PTPRN2: variants seen among roughly 807,000 people sequenced by gnomAD.
PTPRN2 encodes the protein receptor-type tyrosine-protein phosphatase N2.
Under a neutral mutation model 118.8 loss-of-function variants are expected in PTPRN2, and 74 were observed. That is an observed-to-expected ratio of 0.62 (90% CI 0.52 to 0.76). The LOEUF is 0.76. Among genes scored for constraint, PTPRN2 ranks in the 30% least tolerant of loss-of-function variants. The probability of loss-of-function intolerance (pLI) is 0.00; values close to 1 mark genes in which losing one functional copy is unlikely to be tolerated. For missense variants in PTPRN2, 1,481 were observed against 1,394.4 expected, an observed-to-expected ratio of 1.06 and a Z score of -0.99; for synonymous variants, 641 against 608.0, an observed-to-expected ratio of 1.05 and a Z score of -0.80.
chr7:157,998,361 G>A (rs572561668), intron 11 of PTPRN2, among the ~76,000 whole-genome samples: 76 of 152,168 alleles, frequency 5.0e-4, no homozygotes, highest in Non-Finnish European at 8.8e-4. Context: ...GGGCTGGCCC[G>A]GAGGCTCCTG....
chr7:158,329,318 G>A (rs545452626), intron 2 of PTPRN2, among the ~76,000 whole-genome samples: 22 of 152,280 alleles, frequency 1.4e-4, no homozygotes, highest in African/African-American at 4.3e-4. Context: ...GAGCACCAGC[G>A]CGCCCAGCAC....
At chr7:158,381,438 A>G (rs1205830047) in intron 2 of PTPRN2, among the ~76,000 whole-genome samples, 3 of 152,174 alleles carry the variant, frequency 2.0e-5, no homozygotes, top group Non-Finnish European at 1.5e-5. Context: ...AACAAGAGTC[A>G]CTTTTGCTCT....
intron 4 of PTPRN2, among the ~76,000 whole-genome samples, chr7:158,194,415 C>T (rs1473852950): frequency 1.3e-5 from 2 of 152,244 alleles, no homozygotes; most frequent in Non-Finnish European, 2.9e-5. Flanking sequence ...TGCCCACAGA[C>T]AAGGGCAGGG....
At chr7:158,535,553 G>A (rs1215769415) in intron 1 of PTPRN2, among the ~76,000 whole-genome samples, 2 of 152,000 alleles carry the variant, frequency 1.3e-5, no homozygotes, top group African/African-American at 4.8e-5. Flanking sequence ...CCTGGGGAGC[G>A]GCTGGGGCTT....
rs751136925 is a variant in PTPRN2, at chr7:157,868,267, C to A, written c.1788+30406G>T. On this transcript the variant is annotated intron_variant, in intron 12 of 22. Transcript: ENST00000389418. The surrounding 1 kb of genome is among the most constrained non-coding windows in gnomAD (Gnocchi z 5.2). ...GTGGGCTGGGACTCGGCAAGCCCAT[C>A]TGAACAGGGCTCTCTGCAGGCAGCC... Among the ~76,000 whole-genome samples the A allele has an allele frequency of 1.3e-5, 2 of 152,250 alleles. No individual in the cohort carries two copies. The highest frequency in any genetic ancestry group is 4.8e-5 in the African/African-American group (2 of 41,464).
chr7:157,845,901 AAAAAACCTGT>A lies in PTPRN2; in HGVS notation c.1788+52762_1788+52771del, dbSNP rs1179401405. Among the ~76,000 whole-genome samples the A allele has an allele frequency of 6.6e-6, 1 of 151,954 alleles. No homozygotes were observed. Among genetic ancestry groups the A allele is most frequent in the Non-Finnish European group, 1.5e-5 (1 of 67,918 alleles). Reference sequence around the variant, plus strand: ...GGCAGATTAAAGCCTAAATGGGGGGAAAAAACCTGTAAATGTTTTGAAGAAAACATTTGAG... The same window carrying A: ...GGCAGATTAAAGCCTAAATGGGGGGAAAATGTTTTGAAGAAAACATTTGAG... On this transcript the variant is annotated intron_variant, in intron 12 of 22. Coordinates refer to ENST00000389418, the MANE Select transcript of PTPRN2 (RefSeq NM_002847.5). The surrounding 1 kb of genome is among the most constrained non-coding windows in gnomAD (Gnocchi z 4.5).
chr7:158,407,662 C>CGTCCTGGGTCCTGG (rs1813697626), intron 2 of PTPRN2, among the ~76,000 whole-genome samples: 1 of 89,524 alleles, frequency 1.1e-5, no homozygotes. Flanking sequence ...CTGCATCCTG[C>CGTCCTGGGTCCTGG]GTCCTGCGTC....
At chr7:158,381,556 A>T (rs1410526635) in intron 2 of PTPRN2, among the ~76,000 whole-genome samples, 5 of 152,186 alleles carry the variant, frequency 3.3e-5, no homozygotes, top group Non-Finnish European at 7.3e-5. Context: ...GCCTCTAGGA[A>T]GTGCCAAACT....
At chr7:157,630,663 T>C (rs1803887200) in intron 14 of PTPRN2, among the ~76,000 whole-genome samples, 1 of 152,156 alleles carries the variant, frequency 6.6e-6, no homozygotes, top group Non-Finnish European at 1.5e-5. Context: ...GGCAGCCAAC[T>C]CGAAGTGTGC....
At chr7:158,318,281 A>G (rs1335543684) in intron 2 of PTPRN2, among the ~76,000 whole-genome samples, 2 of 152,202 alleles carry the variant, frequency 1.3e-5, no homozygotes, top group African/African-American at 4.8e-5. Flanking sequence ...GGAGGGAGAA[A>G]GGGGCAAAGA....
chr7:157,930,436 T>A (rs1252974127), intron 11 of PTPRN2, among the ~76,000 whole-genome samples: 2 of 152,164 alleles, frequency 1.3e-5, no homozygotes, highest in Non-Finnish European at 2.9e-5. Context: ...TGGGGTGCAA[T>A]CATTTCCCAG....
At position 157,784,772 on chromosome 7, in the gene PTPRN2, C is replaced by T. The variant is rs946530683; in HGVS notation, c.1789-101835G>A. Among the ~76,000 whole-genome samples, 1 of 152,156 alleles carries T rather than the reference C, an allele frequency of 6.6e-6. No homozygotes were observed. The highest frequency in any genetic ancestry group is 1.5e-5 in the Non-Finnish European group (1 of 68,034). On this transcript the variant is annotated intron_variant, in intron 12 of 22. Transcript: ENST00000389418. This position sits in a 1 kb window ranked among gnomAD's most constrained non-coding sequence, Gnocchi z 4.6. Reference sequence around the variant, plus strand: ...TCGACATTTCACCGCAAACCCTGACCCCACACCCGGCCTCTCTGCAGCTAA... The same window carrying T: ...TCGACATTTCACCGCAAACCCTGACTCCACACCCGGCCTCTCTGCAGCTAA...
At chr7:157,624,987 C>CA (rs1298254456) in intron 14 of PTPRN2, among the ~76,000 whole-genome samples, 8 of 152,148 alleles carry the variant, frequency 5.3e-5, no homozygotes, top group Non-Finnish European at 8.8e-5. Context: ...AAATGCTCAA[C>CA]ATCACTAATG....
At position 158,119,715 on chromosome 7, in the gene PTPRN2, T is replaced by C. The variant is rs911758714; in HGVS notation, c.1557-8800A>G. ...CACTACTGTTGTTAATCTCATACTC[T>C]AATTTATAAATTAAACTTTATCATA... On this transcript the variant is annotated intron_variant, in intron 9 of 22. Coordinates refer to ENST00000389418, the MANE Select transcript of PTPRN2 (RefSeq NM_002847.5). 1.4e-4 allele frequency among the ~76,000 whole-genome samples: 21 copies of C among 152,296 alleles called. No individual in the cohort carries two copies. In the South Asian group the frequency reaches 1.7e-3, roughly 12 times the overall value.
At chr7:157,951,284 T>A (rs1458149348) in intron 11 of PTPRN2, among the ~76,000 whole-genome samples, 2 of 152,212 alleles carry the variant, frequency 1.3e-5, no homozygotes, top group Non-Finnish European at 2.9e-5. Flanking sequence ...ATTTGAATTT[T>A]ACTCCTTGCA....
chr7:158,535,330 G>A (rs900131873), intron 1 of PTPRN2, among the ~76,000 whole-genome samples: 6 of 152,164 alleles, frequency 3.9e-5, no homozygotes, highest in East Asian at 1.9e-4. Context: ...ATTCAGCTGC[G>A]TGAATTCGGG....
chr7:157,548,906 C>A, intron 22 of PTPRN2, 40 bp downstream of exon 22: 1 of 1,592,436 alleles, frequency 6.3e-7, no homozygotes. Context: ...AGAGAGGCAC[C>A]TTGAATGGGT....
intron 12 of PTPRN2, among the ~76,000 whole-genome samples, chr7:157,842,855 G>T (rs944301029): frequency 6.6e-6 from 1 of 152,132 alleles, no homozygotes; most frequent in Non-Finnish European, 1.5e-5. Context: ...TTGGGAAAGA[G>T]GCAAGGCACA....
chr7:157,812,429 A>G (rs919013223), intron 12 of PTPRN2, among the ~76,000 whole-genome samples: 3 of 152,176 alleles, frequency 2.0e-5, no homozygotes, highest in Non-Finnish European at 4.4e-5. Flanking sequence ...AAAGGAGAGA[A>G]TTCTGAGGAG....
Sources: gnomAD v4.1 joint callset for allele counts (sites outside exome capture counted in the v4.1 genomes callset) on GRCh38, gnomAD v4.1.1 for gene constraint, Gnocchi (gnomAD v3.1) non-coding constraint, MANE v1.5 for transcripts, NCBI Gene and HGNC (gene_info 2026-07-23, HGNC 2026-07-21) for gene names.